Variants in MEIG1 observed in about 807,000 individuals in gnomAD.
MEIG1 encodes the protein meiosis/spermiogenesis associated 1.
MEIG1 carries 12 observed loss-of-function variants against 11.3 expected under a neutral mutation model. The ratio of observed to expected loss-of-function variants is 1.07; its 90% CI spans 0.68 to 1.73. The LOEUF (loss-of-function observed/expected upper bound fraction) is 1.73, where lower values mean the gene tolerates loss of function less well. MEIG1 is among the 40% of genes most tolerant of loss of function. The probability of loss-of-function intolerance (pLI) is 0.00; values close to 1 mark genes in which losing one functional copy is unlikely to be tolerated. For synonymous variants in MEIG1, 41 were observed against 33.2 expected (o/e 1.24, Z -0.81); for missense variants, 119 against 104.9 (o/e 1.13, Z -0.59).
intron 2 of MEIG1, among the ~76,000 whole-genome samples, chr10:14,971,066 A>G (rs1843142807): frequency 6.6e-6 from 1 of 152,098 alleles, no homozygotes; most frequent in Admixed American, 6.6e-5. Flanking sequence ...GAAAAAGTAG[A>G]TAAACCAATA....
intron 1 of MEIG1, among the ~76,000 whole-genome samples, chr10:14,986,543 C>T (rs1251486194): frequency 6.6e-6 from 1 of 152,134 alleles, no homozygotes; most frequent in Non-Finnish European, 1.5e-5. Flanking sequence ...TGTCTTCATT[C>T]CCCATCCCAT....
chr10:14,978,792 CTT>C (rs1293208398), intron 1 of MEIG1, among the ~76,000 whole-genome samples: 1 of 151,896 alleles, frequency 6.6e-6, no homozygotes, highest in Non-Finnish European at 1.5e-5. Flanking sequence ...CGAGATGTGA[CTT>C]TTAATGTCAC....
At chr10:14,954,368 A>T in the MEIG1 span, 1 of 380,950 alleles carries the variant, frequency 2.6e-6, no homozygotes, top group South Asian at 2.4e-5. Flanking sequence ...CTCCCAGAGC[A>T]GGTGGCCCCA....
downstream of MEIG1, among the ~76,000 whole-genome samples, chr10:14,974,648 C>T (rs990653540): frequency 6.6e-6 from 1 of 152,022 alleles, no homozygotes; most frequent in African/African-American, 2.4e-5. Context: ...ATATTAATAA[C>T]TGATCATATA....
intron 1 of MEIG1, among the ~76,000 whole-genome samples, chr10:14,980,229 T>G (rs1217736985): frequency 6.6e-6 from 1 of 152,070 alleles, no homozygotes; most frequent in East Asian, 1.9e-4. Context: ...CCATACAAAT[T>G]GTGTACAATT....
chr10:14,970,268 A>G (rs1843133933), intron 2 of MEIG1: 1 of 152,252 alleles, frequency 6.6e-6, no homozygotes, highest in African/African-American at 2.4e-5. Flanking sequence ...TTCCCAGATC[A>G]AATGGAAATG....
chr10:14,972,617 C>A lies in MEIG1; in HGVS notation c.243C>A (p.His81Gln). The change falls in exon 3 of 3, where the codon CAC becomes CAA. Residue 81 changes from histidine to glutamine, a missense_variant. Coordinates refer to ENST00000407572, the MANE Select transcript of MEIG1 (RefSeq NM_001080836.3). The stretch of plus-strand genomic sequence containing the variant: ...GGGAATGTGATGACAAAGAAGTCCA[C>A]AAAGTGAAAATTTATGCTTACTAGC... ...KQRECDDKEVHKVKIYAY is the reference protein window; with the variant it reads ...KQRECDDKEVQKVKIYAY 1 of 1,611,660 alleles carries A rather than the reference C, an allele frequency of 6.2e-7. No individual in the cohort carries two copies. The highest frequency in any genetic ancestry group is 8.5e-7 in the Non-Finnish European group (1 of 1,178,946).
At chr10:14,976,436 CT>C (rs1843210884), downstream of MEIG1, among the ~76,000 whole-genome samples, 1 of 151,230 alleles carries the variant, frequency 6.6e-6, no homozygotes. Context: ...GGGGAGGTTA[CT>C]TTTATTGTCA....
chr10:14,967,188 A>AC (rs1288622340), intron 2 of MEIG1, among the ~76,000 whole-genome samples: 1 of 151,756 alleles, frequency 6.6e-6, no homozygotes, highest in Non-Finnish European at 1.5e-5. Flanking sequence ...TAGACCACAA[A>AC]AAAAAAGCTT....
chr10:14,982,933 C>T (rs570621114), intron 1 of MEIG1, among the ~76,000 whole-genome samples: 49 of 152,050 alleles, frequency 3.2e-4, no homozygotes, highest in East Asian at 5.8e-4. Flanking sequence ...ATATTAGCTC[C>T]TAATAATTAA....
chr10:14,956,710 A>G (rs1478247855), upstream of MEIG1, among the ~76,000 whole-genome samples: 1 of 152,230 alleles, frequency 6.6e-6, no homozygotes, highest in African/African-American at 2.4e-5. Flanking sequence ...TCATTCACTG[A>G]CCATCTACTG....
chr10:14,984,210 G>A (rs1274406824), intron 1 of MEIG1, among the ~76,000 whole-genome samples: 1 of 150,936 alleles, frequency 6.6e-6, no homozygotes, highest in Non-Finnish European at 1.5e-5. Flanking sequence ...CATCGTGGGG[G>A]GAGCCCACCC....
intron 1 of MEIG1, among the ~76,000 whole-genome samples, chr10:14,963,015 G>C (rs145569755): frequency 1.3e-5 from 2 of 151,996 alleles, no homozygotes; most frequent in Admixed American, 6.6e-5. Context: ...ACCCACTTCA[G>C]TCTCCCAGAG....
chr10:14,975,654 C>T (rs1243100013), downstream of MEIG1, among the ~76,000 whole-genome samples: 1 of 152,006 alleles, frequency 6.6e-6, no homozygotes, highest in African/African-American at 2.4e-5. Context: ...TACAGCCCCC[C>T]TGTGATATGA....
chr10:14,956,861 A>G (rs560954001), upstream of MEIG1, among the ~76,000 whole-genome samples: 9 of 152,262 alleles, frequency 5.9e-5, no homozygotes, highest in African/African-American at 1.9e-4. Flanking sequence ...GCCAGGAGTT[A>G]AAGACCAACA....
intron 1 of MEIG1, among the ~76,000 whole-genome samples, chr10:14,984,223 C>T (rs931507552): frequency 8.8e-5 from 13 of 147,162 alleles, no homozygotes; most frequent in Admixed American, 8.7e-4. Flanking sequence ...GCCCACCCCC[C>T]TGCGATGTGG....
In MEIG1 at chr10:14,972,667, A is replaced by G; in HGVS notation, c.*26A>G. On this transcript the variant is annotated 3_prime_UTR_variant, in exon 3 of 3. Coordinates refer to ENST00000407572, the MANE Select transcript of MEIG1 (RefSeq NM_001080836.3). ...CCTGTCTTCTTTGTATTACTTGTCA[A>G]TTATATTTTAAGTATTCATCATTTC... 6.4e-7 allele frequency: 1 copy of G among 1,554,876 alleles called. No homozygotes were observed. Among genetic ancestry groups the G allele is most frequent in the Non-Finnish European group, 8.7e-7 (1 of 1,149,806 alleles).
At chr10:14,978,980 C>T (rs1843238144) in intron 1 of MEIG1, among the ~76,000 whole-genome samples, 1 of 151,810 alleles carries the variant, frequency 6.6e-6, no homozygotes, top group Non-Finnish European at 1.5e-5. Flanking sequence ...GGGATTGTGA[C>T]ATAAATTAAT....
intron 1 of MEIG1, among the ~76,000 whole-genome samples, chr10:14,985,423 G>C (rs1408006640): frequency 6.6e-6 from 1 of 151,964 alleles, no homozygotes; most frequent in Middle Eastern, 3.2e-3. Context: ...ATATCCTTGG[G>C]GGTGTTACTC....
Sources: gnomAD v4.1 joint callset for allele counts (sites outside exome capture counted in the v4.1 genomes callset) on GRCh38, gnomAD v4.1.1 for gene constraint, MANE v1.5 for transcripts, NCBI Gene and HGNC (gene_info 2026-07-23, HGNC 2026-07-21) for gene names.